Variants in CLINT1 observed in about 807,000 individuals in gnomAD.
CLINT1 encodes the protein clathrin interactor 1.
Under a neutral mutation model 70.4 loss-of-function variants are expected in CLINT1, and 15 were observed. The observed-to-expected ratio is 0.21, with a 90% CI of 0.14 to 0.33. CLINT1 has a LOEUF of 0.33. Among genes scored for constraint, CLINT1 ranks in the 10% least tolerant of loss-of-function variants. CLINT1 has a pLI of 1.00. For synonymous variants in CLINT1, 227 were observed against 254.7 expected (o/e 0.89, Z 1.04); for missense variants, 615 against 778.1 (o/e 0.79, Z 2.49).
At chr5:157,855,431 C>A (rs1480606333) in intron 1 of CLINT1, among the ~76,000 whole-genome samples, 2 of 152,106 alleles carry the variant, frequency 1.3e-5, no homozygotes, top group African/African-American at 4.8e-5. Context: ...TAAGCTAGTG[C>A]TCCTAGTTGG....
At chr5:157,809,217 T>C (rs1035150727) in intron 6 of CLINT1, 1 of 153,704 alleles carries the variant, frequency 6.5e-6, no homozygotes, top group Non-Finnish European at 1.4e-5. Flanking sequence ...ACAGGGCATA[T>C]TTATGGCAGT....
In CLINT1 at chr5:157,816,752, A is replaced by G. The variant is rs375158331; in HGVS notation, c.225T>C (p.Asn75=). The G allele has an allele frequency of 1.2e-3, 1,961 of 1,609,366 alleles. 35 individuals carry two copies. In the South Asian group the frequency reaches 0.019, roughly 16 times the overall value. Residue 75 remains asparagine, a synonymous_variant, in exon 3 of 12, where the codon AAT becomes AAC. Coordinates refer to ENST00000411809, the MANE Select transcript of CLINT1 (RefSeq NM_014666.4). ...TCCATACCTTATAAACTCTTCTCCA[A>G]TTCTTTTTGTTGTCTTTTAACATTC... ...WSRMLKDNKK[N]WRRVYKSLLL...
chr5:157,834,316 G>GACTGCGCC (rs1219500267), intron 1 of CLINT1, among the ~76,000 whole-genome samples: 3 of 151,670 alleles, frequency 2.0e-5, no homozygotes, highest in Non-Finnish European at 2.9e-5. Flanking sequence ...AGTAAGCCGA[G>GACTGCGCC]ACTGCGCCAC....
intron 5 of CLINT1, 99 bp from the exon 6 acceptor site, chr5:157,809,904 A>G: frequency 8.2e-7 from 1 of 1,213,290 alleles, no homozygotes; most frequent in Admixed American, 2.7e-5. Context: ...TAATAAAATC[A>G]TTTTCAAAGG....
chr5:157,822,307 G>A lies in CLINT1; in HGVS notation c.42-4760C>T, dbSNP rs186201944. ...GTTTGTATGCTGCAACCGTTAACTC[G>A]TCATTTACATGAGGCATATGTAATG... is the stretch of plus-strand genomic sequence containing the variant. On this transcript the variant is annotated intron_variant, in intron 1 of 11. Transcript: ENST00000411809. Among the ~76,000 whole-genome samples, 27 of 151,710 alleles carry A rather than the reference G, an allele frequency of 1.8e-4. 1 individual carries two copies. Among genetic ancestry groups the A allele is most frequent in the African/African-American group, 6.0e-4 (25 of 41,324 alleles).
chr5:157,791,303 C>T (rs1761895332), intron 10 of CLINT1, among the ~76,000 whole-genome samples: 2 of 152,292 alleles, frequency 1.3e-5, no homozygotes, highest in South Asian at 4.1e-4. Flanking sequence ...AGTGATCCAC[C>T]CACCTCAGCC....
At chr5:157,857,054 T>C (rs1176329607) in intron 1 of CLINT1, among the ~76,000 whole-genome samples, 1 of 152,138 alleles carries the variant, frequency 6.6e-6, no homozygotes, top group Non-Finnish European at 1.5e-5. Context: ...AGGTGTTTCT[T>C]AATGGTTTTA....
At chr5:157,798,295 C>A (rs1733148484) in intron 8 of CLINT1, among the ~76,000 whole-genome samples, 1 of 152,124 alleles carries the variant, frequency 6.6e-6, no homozygotes, top group Non-Finnish European at 1.5e-5. Context: ...TGGAAGACTG[C>A]TAATTTTCAC....
chr5:157,830,654 C>G (rs925769532), intron 1 of CLINT1, among the ~76,000 whole-genome samples: 4 of 151,398 alleles, frequency 2.6e-5, no homozygotes, highest in Admixed American at 1.3e-4. Flanking sequence ...GGTGGGGCGA[C>G]TGCTTGAGCC....
intron 1 of CLINT1, among the ~76,000 whole-genome samples, chr5:157,834,329 C>T (rs565057326): frequency 1.3e-5 from 2 of 151,532 alleles, no homozygotes; most frequent in East Asian, 3.9e-4. Flanking sequence ...TGCGCCACTG[C>T]GCCACCGCAC....
At chr5:157,842,945 G>A (rs1435623790) in intron 1 of CLINT1, among the ~76,000 whole-genome samples, 1 of 152,090 alleles carries the variant, frequency 6.6e-6, no homozygotes. Flanking sequence ...AATCGATTTT[G>A]TTTTATAAAA....
At chr5:157,840,180 G>A (rs1371539710) in intron 1 of CLINT1, among the ~76,000 whole-genome samples, 2 of 113,190 alleles carry the variant, frequency 1.8e-5, no homozygotes, top group African/African-American at 7.0e-5. Context: ...GGGCAACAGC[G>A]TGAGACTGCC....
intron 1 of CLINT1, among the ~76,000 whole-genome samples, chr5:157,855,584 C>T (rs755238460): frequency 1.2e-4 from 19 of 152,230 alleles, no homozygotes; most frequent in Admixed American, 3.3e-4. Flanking sequence ...AAAACAAATC[C>T]CTCTACTGCC....
chr5:157,845,747 G>C (rs1480307208), intron 1 of CLINT1, among the ~76,000 whole-genome samples: 4 of 151,970 alleles, frequency 2.6e-5, no homozygotes, highest in Non-Finnish European at 5.9e-5. Context: ...GTAGAGACGG[G>C]GTTTCACCGT....
At position 157,787,804 on chromosome 5, in the gene CLINT1, G is replaced by C; in HGVS notation, c.1720C>G (p.Gln574Glu). ...TTCATGTTCATGCCCATCATGCTCT[G>C]GTTCATCATCGGAGTATTTCCAAGA... ...APLGNTPMMN[Q>E]SMMGMNMNIG... The change falls in exon 12 of 12, where the codon CAG (glutamine) becomes GAG (glutamate). Residue 574 changes from glutamine to glutamate, a missense_variant. By Grantham distance (29) the Gln-to-Glu change is conservative. Coordinates refer to ENST00000411809, the MANE Select transcript of CLINT1 (RefSeq NM_014666.4). The C allele has an allele frequency of 6.2e-7, 1 of 1,613,972 alleles. No homozygotes were observed. The highest frequency in any genetic ancestry group is 8.5e-7 in the Non-Finnish European group (1 of 1,179,874).
In CLINT1 at chr5:157,806,252, T is replaced by C. The variant is rs190999723; in HGVS notation, c.696-140A>G. The C allele has an allele frequency of 1.5e-4, 120 of 802,206 alleles. No individual in the cohort carries two copies. In the African/African-American group the frequency reaches 1.9e-3, roughly 13 times the overall value. The allele number at this position is 802,206 out of a possible 1,614,324, so 49.7% of individuals were successfully genotyped here. A position where few individuals can be genotyped will look rare whatever the true frequency, so the allele number is the denominator to read the frequency against. On this transcript the variant is annotated intron_variant, in intron 6 of 11. Coordinates refer to ENST00000411809, the MANE Select transcript of CLINT1 (RefSeq NM_014666.4). ...GACTACTTGACAGGGATCAACAGAA[T>C]GTTATCTAAGCTGTCTGAATAATGA...
rs892779610 is a variant in CLINT1, at chr5:157,787,404, C to T, written c.*242G>A. 3 of 530,408 alleles carry T rather than the reference C, an allele frequency of 5.7e-6. No homozygotes were observed. Among genetic ancestry groups the T allele is most frequent in the African/African-American group, 3.8e-5 (2 of 52,360 alleles). The allele number at this position is 530,408 out of a possible 1,614,324, so 32.9% of individuals were successfully genotyped here. ...ATAAAGGCTTTCAATGGTCTCACCA[C>T]CCACTTGTGGTCTATCCTCACTGGA... On this transcript the variant is annotated 3_prime_UTR_variant, in exon 12 of 12. Coordinates refer to ENST00000411809, the MANE Select transcript of CLINT1 (RefSeq NM_014666.4).
In CLINT1 at chr5:157,789,499, G is replaced by C. The variant is rs1443174768; in HGVS notation, c.1395C>G (p.Val465=). The change falls in exon 11 of 12, where the codon GTC becomes GTG. Residue 465 remains valine, a synonymous_variant. Transcript: ENST00000411809. Reference sequence around the variant, plus strand: ...GCAAGGTTTTGCTGACTGATTTCTGGACCATATCTGTATTCTGATTATAGA... The same window carrying C: ...GCAAGGTTTTGCTGACTGATTTCTGCACCATATCTGTATTCTGATTATAGA... ...PMSRSQNTDM[V]QKSVSKTLPS... is the part of the protein sequence containing the mutation. The C allele has an allele frequency of 1.2e-6, 2 of 1,613,928 alleles. No homozygotes were observed. The highest frequency in any genetic ancestry group is 2.2e-5 in the South Asian group (2 of 91,082).
chr5:157,793,478 G>C (rs776074967), intron 9 of CLINT1, among the ~76,000 whole-genome samples: 3 of 152,146 alleles, frequency 2.0e-5, no homozygotes, highest in Non-Finnish European at 4.4e-5. Flanking sequence ...TGTTGCAATG[G>C]TTTCAGCCCC....
Sources: gnomAD v4.1 joint callset for allele counts (sites outside exome capture counted in the v4.1 genomes callset) on GRCh38, gnomAD v4.1.1 for gene constraint, MANE v1.5 for transcripts, NCBI Gene and HGNC (gene_info 2026-07-23, HGNC 2026-07-21) for gene names.